TMEM178B: variants seen among roughly 807,000 people sequenced by gnomAD.
The protein encoded by TMEM178B is transmembrane protein 178B.
Under a neutral mutation model 31.0 loss-of-function variants are expected in TMEM178B, and 5 were observed. The observed-to-expected ratio is 0.16, with a 90% CI of 0.08 to 0.34. TMEM178B has a LOEUF of 0.34. TMEM178B is among the 10% of genes least tolerant of loss of function. The pLI is 1.00. For missense variants in TMEM178B, 275 were observed against 400.3 expected (o/e 0.69, Z 2.67); for synonymous variants, 164 against 164.0 (o/e 1.00, Z 0.00).
chr7:141,358,169 C>T (rs1799853875), intron 2 of TMEM178B, among the ~76,000 whole-genome samples: 1 of 152,158 alleles, frequency 6.6e-6, no homozygotes, highest in African/African-American at 2.4e-5. Flanking sequence ...AGCTTGGTCC[C>T]TAGCAGCACA....
chr7:141,338,089 G>A (rs1042990731), intron 2 of TMEM178B, among the ~76,000 whole-genome samples: 16 of 152,106 alleles, frequency 1.1e-4, no homozygotes, highest in South Asian at 2.1e-4. Flanking sequence ...CACCCACCTC[G>A]GCCTCCCAAA....
intron 1 of TMEM178B, among the ~76,000 whole-genome samples, chr7:141,088,896 A>C (rs2129171996): frequency 6.6e-6 from 1 of 152,380 alleles, no homozygotes; most frequent in South Asian, 2.1e-4. Flanking sequence ...TGTTCCTTTT[A>C]ATAGTGAATC....
At chr7:141,146,355 C>T (rs1054898326) in intron 1 of TMEM178B, among the ~76,000 whole-genome samples, 6 of 152,178 alleles carry the variant, frequency 3.9e-5, no homozygotes, top group African/African-American at 1.4e-4. Flanking sequence ...ATGTGAGTGC[C>T]TAGTGGCCTG....
At chr7:141,126,188 G>A (rs1224151531) in intron 1 of TMEM178B, among the ~76,000 whole-genome samples, 1 of 152,224 alleles carries the variant, frequency 6.6e-6, no homozygotes, top group Non-Finnish European at 1.5e-5. Context: ...AAAGGATGCT[G>A]AGAGGACATT....
At chr7:141,229,102 TGTG>T (rs1366733897) in intron 2 of TMEM178B, among the ~76,000 whole-genome samples, 4 of 123,976 alleles carry the variant, frequency 3.2e-5, no homozygotes, top group African/African-American at 6.4e-5. Context: ...GTGTGTGTGG[TGTG>T]TGTGTGTGTG....
intron 2 of TMEM178B, among the ~76,000 whole-genome samples, chr7:141,378,500 T>C (rs2116582558): frequency 6.6e-6 from 1 of 152,344 alleles, no homozygotes; most frequent in East Asian, 1.9e-4. Flanking sequence ...AGTTAATTTT[T>C]GGCTACTTTT....
chr7:141,082,174 C>T (rs774726401), intron 1 of TMEM178B, among the ~76,000 whole-genome samples: 11 of 152,202 alleles, frequency 7.2e-5, no homozygotes, highest in Non-Finnish European at 1.5e-4. Context: ...ATGCATTTCT[C>T]AGAACATATC....
chr7:141,356,229 T>C (rs1024136555), intron 2 of TMEM178B, among the ~76,000 whole-genome samples: 1 of 152,244 alleles, frequency 6.6e-6, no homozygotes, highest in Non-Finnish European at 1.5e-5. Context: ...TTTGGGTACA[T>C]GCCCAGTAAT....
chr7:141,444,508 C>G (rs1310840691), intron 3 of TMEM178B, among the ~76,000 whole-genome samples: 1 of 152,200 alleles, frequency 6.6e-6, no homozygotes, highest in African/African-American at 2.4e-5. Context: ...TTTATTTGAA[C>G]AGTCCAAGGA....
intron 2 of TMEM178B, among the ~76,000 whole-genome samples, chr7:141,332,333 G>T (rs1440524675): frequency 6.6e-6 from 1 of 152,006 alleles, no homozygotes; most frequent in African/African-American, 2.4e-5. Context: ...AGCCTCCGTC[G>T]GCTCACTACC....
chr7:141,214,422 G>A (rs1797099207), intron 2 of TMEM178B, among the ~76,000 whole-genome samples: 1 of 152,186 alleles, frequency 6.6e-6, no homozygotes, highest in Non-Finnish European at 1.5e-5. Context: ...GAGGGTGGGG[G>A]ATGGGGAGAG....
intron 2 of TMEM178B, among the ~76,000 whole-genome samples, chr7:141,304,426 T>C (rs1798779250): frequency 6.6e-6 from 1 of 152,084 alleles, no homozygotes; most frequent in African/African-American, 2.4e-5. Context: ...CACCCCACCC[T>C]CTTCCCACCT....
At chr7:141,348,867 G>T (rs930487031) in intron 2 of TMEM178B, among the ~76,000 whole-genome samples, 2 of 152,182 alleles carry the variant, frequency 1.3e-5, no homozygotes, top group Non-Finnish European at 2.9e-5. Flanking sequence ...ACTGACAGTG[G>T]AAGCTGTCAG....
intron 2 of TMEM178B, among the ~76,000 whole-genome samples, chr7:141,332,885 G>T (rs960265265): frequency 6.6e-6 from 1 of 152,176 alleles, no homozygotes; most frequent in Non-Finnish European, 1.5e-5. Flanking sequence ...ACATATTTTG[G>T]TGCTTTGCTG....
chr7:141,190,251 T>C (rs1457903347), intron 1 of TMEM178B, among the ~76,000 whole-genome samples: 1 of 152,170 alleles, frequency 6.6e-6, no homozygotes, highest in African/African-American at 2.4e-5. Context: ...TAGCCTGCAG[T>C]TGGGCAAAAT....
rs1016695119 is a variant in TMEM178B, at chr7:141,138,145, T to C, written c.382+63453T>C. Among the ~76,000 whole-genome samples, 14 of 151,296 alleles carry C rather than the reference T, an allele frequency of 9.3e-5. No homozygotes were observed. The East Asian group carries it at 2.5e-3, about 27-fold the overall frequency. On this transcript the variant is annotated intron_variant, in intron 1 of 3. Coordinates refer to ENST00000565468, the MANE Select transcript of TMEM178B (RefSeq NM_001195278.2). The stretch of plus-strand genomic sequence containing the variant: ...GGCGCCATCTCGGCTCACTGCAAGC[T>C]CCACCTCCAGGGTTCACGCCATTGT...
chr7:141,199,610 C>G (rs887953591), intron 1 of TMEM178B, among the ~76,000 whole-genome samples: 9 of 152,072 alleles, frequency 5.9e-5, no homozygotes. Context: ...TTCTTTGAGA[C>G]AGGTCTTGCT....
At chr7:141,468,931 G>A (rs189524773) in intron 3 of TMEM178B, among the ~76,000 whole-genome samples, 23 of 152,268 alleles carry the variant, frequency 1.5e-4, no homozygotes, top group African/African-American at 4.8e-4. Flanking sequence ...CATAGGGCAC[G>A]AAGAAGCTGG....
chr7:141,425,350 C>T (rs1586951625), intron 2 of TMEM178B, among the ~76,000 whole-genome samples: 1 of 152,136 alleles, frequency 6.6e-6, no homozygotes, highest in Non-Finnish European at 1.5e-5. Context: ...ACCCCAAATT[C>T]CTGCACTTTG....
Sources: allele counts gnomAD v4.1 joint callset (sites outside exome capture counted in the v4.1 genomes callset), GRCh38; gene constraint gnomAD v4.1.1; transcripts MANE v1.5; gene names NCBI Gene and HGNC (gene_info 2026-07-23, HGNC 2026-07-21).